The following CDC123 variants were observed in gnomAD, a reference collection of about 807,000 sequenced individuals.
CDC123 encodes translation initiation factor eIF2 assembly protein.
CDC123 carries 37 observed loss-of-function variants against 54.4 expected under a neutral mutation model. That is an observed-to-expected ratio of 0.68 (90% CI 0.52 to 0.89). The LOEUF is 0.89. Among genes scored for constraint, CDC123 ranks in the 40% least tolerant of loss-of-function variants. The pLI is 0.00. For missense variants in CDC123, 361 were observed against 412.1 expected (o/e 0.88, Z 1.07); for synonymous variants, 144 against 136.8 (o/e 1.05, Z -0.37).
chr10:12,212,864 G>A lies in CDC123; in HGVS notation c.237+2542G>A, dbSNP rs73581398. On this transcript the variant is annotated intron_variant, in intron 4 of 12. Coordinates refer to ENST00000281141, the MANE Select transcript of CDC123 (RefSeq NM_006023.3). ...CCCATTATGTATATGCAAATATTCTGAAATCCAAAACACTTCTGGTCTTAC... is the reference window on the plus strand; with the variant it reads ...CCCATTATGTATATGCAAATATTCTAAAATCCAAAACACTTCTGGTCTTAC... 4.3e-3 allele frequency among the ~76,000 whole-genome samples: 658 copies of A among 152,310 alleles called. 3 individuals are homozygous for A. The highest frequency in any genetic ancestry group is 0.015 in the African/African-American group (639 of 41,560).
intron 8 of CDC123, among the ~76,000 whole-genome samples, chr10:12,236,470 A>G (rs184296076): frequency 1.3e-5 from 2 of 152,134 alleles, no homozygotes; most frequent in South Asian, 4.2e-4. Context: ...ATGGTGGCAC[A>G]TGCCTGTAGT....
At position 12,206,587 on chromosome 10, in the gene CDC123, C is replaced by T. The variant is rs183543808; in HGVS notation, c.147-3380C>T. Among the ~76,000 whole-genome samples the T allele has an allele frequency of 5.9e-5, 9 of 152,138 alleles. No individual in the cohort carries two copies. In the East Asian group the frequency reaches 1.7e-3, roughly 29 times the overall value. On this transcript the variant is annotated intron_variant, in intron 2 of 12. Coordinates refer to ENST00000281141, the MANE Select transcript of CDC123 (RefSeq NM_006023.3). ...AGCACTTTGGGAGGCCAAGGCGGTT[C>T]GATTATCTGAGGCCAGCAGTTTGAG...
chr10:12,207,444 C>A (rs1340739626), intron 2 of CDC123, among the ~76,000 whole-genome samples: 2 of 151,856 alleles, frequency 1.3e-5, no homozygotes, highest in Non-Finnish European at 2.9e-5. Flanking sequence ...TCTTCCATGT[C>A]CCTTTTTTCT....
At chr10:12,224,866 G>A (rs537989364) in intron 6 of CDC123, among the ~76,000 whole-genome samples, 52 of 152,242 alleles carry the variant, frequency 3.4e-4, no homozygotes, top group African/African-American at 1.3e-3. Context: ...TGACCTTGGT[G>A]GGATTTAGGG....
chr10:12,246,124 T>C, intron 10 of CDC123, 25 bp from the exon 11 acceptor site: 1 of 1,605,822 alleles, frequency 6.2e-7, no homozygotes, highest in Non-Finnish European at 8.5e-7. Flanking sequence ...TGTTTGTTTT[T>C]GTTTTTTCTC....
At chr10:12,215,713 G>A (rs1368027500) in intron 4 of CDC123, 27 bp from the exon 5 acceptor site, 1 of 1,395,766 alleles carries the variant, frequency 7.2e-7, no homozygotes, top group Non-Finnish European at 1.0e-6. Flanking sequence ...ATATTGACGT[G>A]CCCAATGATT....
rs982083249 is a variant in CDC123, at chr10:12,227,606, T to G, written c.441-3342T>G. 2.6e-5 allele frequency among the ~76,000 whole-genome samples: 4 copies of G among 151,986 alleles called. No homozygotes were observed. The East Asian group carries it at 7.7e-4, about 29-fold the overall frequency. On this transcript the variant is annotated intron_variant, in intron 6 of 12. Coordinates refer to ENST00000281141, the MANE Select transcript of CDC123 (RefSeq NM_006023.3). ...TTCAACTCCTGGGTTCAAGGGATTC[T>G]CGTGCCTCAGCCTCCCAAGTAGCTG...
At chr10:12,207,872 A>G (rs541432636) in intron 2 of CDC123, among the ~76,000 whole-genome samples, 2 of 152,332 alleles carry the variant, frequency 1.3e-5, no homozygotes, top group African/African-American at 4.8e-5. Context: ...TGCTTACCAA[A>G]GGGGCTGAGG....
chr10:12,221,886 G>A (rs1835742481), intron 6 of CDC123, among the ~76,000 whole-genome samples: 1 of 151,910 alleles, frequency 6.6e-6, no homozygotes, highest in South Asian at 2.1e-4. Context: ...GTTTCCCAGG[G>A]AAGCTAAAAG....
At chr10:12,227,283 G>T (rs1162759343) in intron 6 of CDC123, among the ~76,000 whole-genome samples, 1 of 149,888 alleles carries the variant, frequency 6.7e-6, no homozygotes, top group Non-Finnish European at 1.5e-5. Context: ...CATGGGGAGA[G>T]GGGGAGGGGG....
chr10:12,236,706 A>G (rs1393669522), intron 8 of CDC123, among the ~76,000 whole-genome samples: 1 of 151,920 alleles, frequency 6.6e-6, no homozygotes, highest in Non-Finnish European at 1.5e-5. Flanking sequence ...CCTGGCCAAG[A>G]TGGTGAAACC....
At chr10:12,210,622 T>C (rs775864665) in intron 4 of CDC123, among the ~76,000 whole-genome samples, 8 of 152,254 alleles carry the variant, frequency 5.3e-5, no homozygotes, top group Non-Finnish European at 1.2e-4. Flanking sequence ...CATTAAACTC[T>C]GAGATTCCTA....
chr10:12,204,034 A>G (rs1302033411), intron 2 of CDC123, among the ~76,000 whole-genome samples: 4 of 150,284 alleles, frequency 2.7e-5, no homozygotes, highest in African/African-American at 9.8e-5. Context: ...TGGAGGCTGC[A>G]GTGAGCTATG....
intron 6 of CDC123, among the ~76,000 whole-genome samples, chr10:12,222,569 C>A (rs549274115): frequency 1.4e-3 from 211 of 152,276 alleles, no homozygotes; most frequent in African/African-American, 4.8e-3. Context: ...TCACAGGCTG[C>A]TTTCATTATT....
Position 12,249,611 on chromosome 10 carries a change from GA to G in CDC123, c.879del (p.Val294Ter). ...DSPAFRCTNS[E>X]VTVQPSPYLS... is the part of the protein sequence containing the mutation. ...CCCAGCTTTCCGTTGCACAAACAGT[GA>G]AGTGACAGTCCAGCCCAGCCCCTAT... On this transcript the variant is annotated frameshift_variant, in exon 12 of 13. Transcript: ENST00000281141. LOFTEE classifies it high-confidence loss of function. 1 of 1,614,048 alleles carries G rather than the reference GA, an allele frequency of 6.2e-7. No homozygotes were observed. Among genetic ancestry groups the G allele is most frequent in the East Asian group, 2.2e-5 (1 of 44,882 alleles).
chr10:12,196,409 C>G, intron 1 of CDC123, 90 bp downstream of exon 1: 2 of 1,505,042 alleles, frequency 1.3e-6, no homozygotes, highest in Non-Finnish European at 1.8e-6. Flanking sequence ...AAATGCAGGC[C>G]TTCTAGCGAC....
At chr10:12,205,733 A>G (rs1046782366) in intron 2 of CDC123, among the ~76,000 whole-genome samples, 7 of 152,166 alleles carry the variant, frequency 4.6e-5, no homozygotes, top group Non-Finnish European at 8.8e-5. Context: ...TATTAGCACC[A>G]TACTTTATCC....
At chr10:12,211,908 G>C (rs1029337005) in intron 4 of CDC123, among the ~76,000 whole-genome samples, 2 of 152,138 alleles carry the variant, frequency 1.3e-5, no homozygotes, top group African/African-American at 4.8e-5. Flanking sequence ...CCAACATGGT[G>C]AAACCCCGTC....
chr10:12,222,129 A>G (rs1262867264), intron 6 of CDC123, among the ~76,000 whole-genome samples: 1 of 152,224 alleles, frequency 6.6e-6, no homozygotes, highest in Admixed American at 6.5e-5. Context: ...ATGATTAGAG[A>G]GGGAACCAGG....
Sources: allele counts gnomAD v4.1 joint callset (sites outside exome capture counted in the v4.1 genomes callset), GRCh38; gene constraint gnomAD v4.1.1; transcripts MANE v1.5; gene names NCBI Gene and HGNC (gene_info 2026-07-23, HGNC 2026-07-21).